Variants in TOX observed in about 807,000 individuals in gnomAD.
TOX encodes the protein thymocyte selection associated high mobility group box.
In TOX, 11 loss-of-function variants were observed where a neutral mutation model predicts 53.7. The ratio of observed to expected loss-of-function variants is 0.20; its 90% CI spans 0.13 to 0.34. The LOEUF (loss-of-function observed/expected upper bound fraction) is 0.34, where lower values mean the gene tolerates loss of function less well. Ranked by LOEUF, TOX falls within the 10% of genes least tolerant of loss-of-function variation. The pLI, the probability that TOX is intolerant of heterozygous loss-of-function variation, is 1.00. For missense variants in TOX, 570 were observed against 664.6 expected (o/e 0.86, Z 1.56); for synonymous variants, 225 against 245.3 (o/e 0.92, Z 0.77).
chr8:58,956,520 C>T (rs763123433), intron 2 of TOX, among the ~76,000 whole-genome samples: 2 of 152,076 alleles, frequency 1.3e-5, no homozygotes, highest in Non-Finnish European at 2.9e-5. Context: ...TTAACATATC[C>T]GTCATCTTGC....
Position 58,807,667 on chromosome 8 carries a change from A to T in TOX, c.*80T>A. On this transcript the variant is annotated 3_prime_UTR_variant, in exon 9 of 9. Coordinates refer to ENST00000361421, the MANE Select transcript of TOX (RefSeq NM_014729.3). ...CTTGTATTTTCTAATAAAATGGAGA[A>T]CTGCCTTGACTGTACAAAGCAATCC... is the stretch of plus-strand genomic sequence containing the variant. 10 of 1,533,138 alleles carry T rather than the reference A, an allele frequency of 6.5e-6. No homozygotes were observed. In the South Asian group the frequency reaches 1.1e-4, roughly 18 times the overall value. The allele number at this position is 1,533,138 out of a possible 1,614,324, so 95.0% of individuals were successfully genotyped here.
intron 1 of TOX, among the ~76,000 whole-genome samples, chr8:59,104,338 T>G (rs555030190): frequency 1.3e-5 from 2 of 152,128 alleles, no homozygotes; most frequent in African/African-American, 4.8e-5. Flanking sequence ...CCATGCCCCA[T>G]CTCCCACTAC....
At chr8:58,857,830 C>T (rs115684874) in intron 3 of TOX, among the ~76,000 whole-genome samples, 7,776 of 152,062 alleles carry the variant, frequency 0.051, 676 homozygotes, top group African/African-American at 0.18. Context: ...AGTGCATTTG[C>T]ACGACATTGG....
intron 1 of TOX, among the ~76,000 whole-genome samples, chr8:59,068,619 T>C (rs1441808654): frequency 1.3e-5 from 2 of 152,238 alleles, no homozygotes; most frequent in Non-Finnish European, 2.9e-5. Context: ...GTTTTGTTAA[T>C]TTAATCTTTA....
At chr8:58,972,960 C>A (rs149140553) in intron 1 of TOX, among the ~76,000 whole-genome samples, 19 of 152,070 alleles carry the variant, frequency 1.2e-4, no homozygotes, top group Non-Finnish European at 2.5e-4. Flanking sequence ...AATCTTTTAA[C>A]GTTATTTGAG....
intron 3 of TOX, among the ~76,000 whole-genome samples, chr8:58,921,062 C>A (rs1812065415): frequency 7.0e-6 from 1 of 143,260 alleles, no homozygotes; most frequent in African/African-American, 2.5e-5. Context: ...TATGTGGAGA[C>A]ACGGAGTTAA....
chr8:58,845,239 TA>T (rs1336782213), intron 4 of TOX, among the ~76,000 whole-genome samples: 1 of 152,164 alleles, frequency 6.6e-6, no homozygotes, highest in Admixed American at 6.5e-5. Flanking sequence ...CGCTGTAGTT[TA>T]AAATAGATTT....
Position 59,033,313 on chromosome 8 carries a change from G to A in TOX, c.103-73305C>T, listed in dbSNP as rs1321815030. Among the ~76,000 whole-genome samples, 7 of 152,304 alleles carry A rather than the reference G, an allele frequency of 4.6e-5. 1 individual carries two copies. In the South Asian group the frequency reaches 6.2e-4, roughly 14 times the overall value. ...AGGCTGGTGCCCCTAGCACACAGTA[G>A]GCACTCAGTGAAAAACACATGCTAA... On this transcript the variant is annotated intron_variant, in intron 1 of 8. Transcript: ENST00000361421.
chr8:58,883,337 C>G lies in TOX; in HGVS notation c.412-31532G>C, dbSNP rs148157013. On this transcript the variant is annotated intron_variant, in intron 3 of 8. Transcript: ENST00000361421. ...GGCCTAAAGGACTTTGATTGAACAACCTTATAGATCAAACATTTTTAAATG... is the reference window on the plus strand; with the variant it reads ...GGCCTAAAGGACTTTGATTGAACAAGCTTATAGATCAAACATTTTTAAATG... Among the ~76,000 whole-genome samples the G allele has an allele frequency of 4.7e-3, 714 of 152,292 alleles. 4 individuals carry two copies. The highest frequency in any genetic ancestry group is 0.016 in the African/African-American group (675 of 41,546).
intron 1 of TOX, among the ~76,000 whole-genome samples, chr8:59,078,278 C>T (rs773079721): frequency 6.6e-6 from 1 of 152,090 alleles, no homozygotes; most frequent in Non-Finnish European, 1.5e-5. Flanking sequence ...GGGACAGCAT[C>T]GAGGCAGTTT....
chr8:58,874,353 T>C (rs1216255601), intron 3 of TOX, among the ~76,000 whole-genome samples: 1 of 151,926 alleles, frequency 6.6e-6, no homozygotes, highest in Non-Finnish European at 1.5e-5. Flanking sequence ...GAGTGAGAGA[T>C]GTTTTGAGTG....
chr8:58,926,076 T>A (rs1183541387), intron 3 of TOX, among the ~76,000 whole-genome samples: 1 of 152,214 alleles, frequency 6.6e-6, no homozygotes, highest in South Asian at 2.1e-4. Context: ...TGAATTACCA[T>A]GAAAACCTCA....
chr8:58,966,970 G>A (rs1340787846), intron 1 of TOX, among the ~76,000 whole-genome samples: 1 of 151,198 alleles, frequency 6.6e-6, no homozygotes, highest in African/African-American at 2.4e-5. Context: ...TGCCTCCCGG[G>A]TTCATGCCAT....
chr8:58,927,504 C>T (rs1812184293), intron 3 of TOX, among the ~76,000 whole-genome samples: 1 of 152,170 alleles, frequency 6.6e-6, no homozygotes, highest in African/African-American at 2.4e-5. Context: ...TCCCATGGTC[C>T]TTCTGCGTAA....
rs1233876105 is a variant in TOX, at chr8:58,838,307, T to C, written c.698A>G (p.Asn233Ser). The change falls in exon 5 of 9, where the codon AAT becomes AGT. Residue 233 changes from asparagine to serine, a missense_variant. Physicochemically the swap from Asn to Ser is conservative, Grantham distance 46. Coordinates refer to ENST00000361421, the MANE Select transcript of TOX (RefSeq NM_014729.3). ...EDEGDDTSKI[N>S]GGEKRPASDM... ...AGAGGCAGGCCGCTTCTCTCCACCA[T>C]TGATCTGAAAGAGAAATCAAAATAG... The C allele has an allele frequency of 8.1e-6, 13 of 1,611,928 alleles. No individual in the cohort carries two copies. Among genetic ancestry groups the C allele is most frequent in the Admixed American group, 1.7e-5 (1 of 59,780 alleles).
chr8:59,003,240 G>A (rs62504485), intron 1 of TOX, among the ~76,000 whole-genome samples: 62 of 152,238 alleles, frequency 4.1e-4, no homozygotes, highest in Admixed American at 1.2e-3. Flanking sequence ...AACAACTTGC[G>A]CGGTATTATT....
Position 58,983,544 on chromosome 8 carries a change from C to T in TOX, c.103-23536G>A, listed in dbSNP as rs184554242. Among the ~76,000 whole-genome samples, 13 of 152,324 alleles carry T rather than the reference C, an allele frequency of 8.5e-5. No individual in the cohort carries two copies. In the East Asian group the frequency reaches 2.5e-3, roughly 29 times the overall value. On this transcript the variant is annotated intron_variant, in intron 1 of 8. Transcript: ENST00000361421. The stretch of plus-strand genomic sequence containing the variant: ...AAAGTGAGATCATGATATTGCCAAA[C>T]TTATACACATCTACGATGGTTGTTA...
chr8:58,951,989 A>T (rs1297614897), intron 2 of TOX, among the ~76,000 whole-genome samples: 3 of 152,190 alleles, frequency 2.0e-5, no homozygotes, highest in Non-Finnish European at 1.5e-5. Context: ...AAAAATACAG[A>T]TATGGACGAA....
At chr8:58,941,803 A>G (rs978373651) in intron 2 of TOX, among the ~76,000 whole-genome samples, 83 of 152,240 alleles carry the variant, frequency 5.5e-4, no homozygotes, top group African/African-American at 1.8e-3. Flanking sequence ...CTGTAATCCT[A>G]GCATTTTGGG....
Sources: allele counts gnomAD v4.1 joint callset (sites outside exome capture counted in the v4.1 genomes callset), GRCh38; gene constraint gnomAD v4.1.1; transcripts MANE v1.5; gene names NCBI Gene and HGNC (gene_info 2026-07-23, HGNC 2026-07-21).